PDSS2: variants seen among roughly 807,000 people sequenced by gnomAD.
PDSS2 encodes the protein decaprenyl diphosphate synthase subunit 2.
A neutral mutation model predicts 44.5 loss-of-function variants in PDSS2; 31 were observed. That is an observed-to-expected ratio of 0.70 (90% CI 0.52 to 0.94). The LOEUF is 0.94. Among genes scored for constraint, PDSS2 ranks in the 40% least tolerant of loss-of-function variants. The pLI, the probability that PDSS2 is intolerant of heterozygous loss-of-function variation, is 0.00. For missense variants in PDSS2, 452 were observed against 482.2 expected, an observed-to-expected ratio of 0.94 and a Z score of 0.59; for synonymous variants, 157 against 180.3, an observed-to-expected ratio of 0.87 and a Z score of 1.03.
At chr6:107,181,226 T>A (rs1056112718) in intron 7 of PDSS2, among the ~76,000 whole-genome samples, 1 of 152,218 alleles carries the variant, frequency 6.6e-6, no homozygotes. Flanking sequence ...TAACTGCCTA[T>A]ATTAAATTAG....
intron 3 of PDSS2, among the ~76,000 whole-genome samples, chr6:107,254,831 G>A (rs1774951816): frequency 6.6e-6 from 1 of 151,964 alleles, no homozygotes; most frequent in African/African-American, 2.4e-5. Flanking sequence ...AATACACATT[G>A]TGACACAGTA....
intron 1 of PDSS2, among the ~76,000 whole-genome samples, chr6:107,348,176 A>G (rs1778314780): frequency 6.6e-6 from 1 of 152,222 alleles, no homozygotes; most frequent in South Asian, 2.1e-4. Context: ...GTGGCAGAGT[A>G]GAGAGTATGC....
At chr6:107,240,486 C>A (rs940597082) in intron 4 of PDSS2, among the ~76,000 whole-genome samples, 1 of 151,388 alleles carries the variant, frequency 6.6e-6, no homozygotes, top group African/African-American at 2.4e-5. Flanking sequence ...GCAAACTCCA[C>A]CTCCCAGGTT....
intron 1 of PDSS2, among the ~76,000 whole-genome samples, chr6:107,362,181 T>C (rs753465282): frequency 1.3e-5 from 2 of 152,074 alleles, no homozygotes; most frequent in African/African-American, 4.8e-5. Flanking sequence ...GCTGTGTGCA[T>C]TGCCACAGAG....
intron 1 of PDSS2, among the ~76,000 whole-genome samples, chr6:107,424,799 C>G (rs1373600658): frequency 6.6e-6 from 1 of 152,178 alleles, no homozygotes; most frequent in Non-Finnish European, 1.5e-5. Flanking sequence ...GGGAATAATA[C>G]TCATGGATTA....
intron 4 of PDSS2, among the ~76,000 whole-genome samples, chr6:107,227,929 G>A (rs763324964): frequency 1.3e-5 from 2 of 152,108 alleles, no homozygotes; most frequent in Non-Finnish European, 1.5e-5. Flanking sequence ...GACCCAGGAT[G>A]GAGATAAAAA....
chr6:107,174,664 T>C (rs867256623), intron 7 of PDSS2, among the ~76,000 whole-genome samples: 1 of 152,142 alleles, frequency 6.6e-6, no homozygotes, highest in South Asian at 2.1e-4. Flanking sequence ...CATTCCTTTT[T>C]ACTCAGAGTT....
intron 7 of PDSS2, among the ~76,000 whole-genome samples, chr6:107,168,329 G>A (rs1245639325): frequency 2.0e-5 from 3 of 152,022 alleles, no homozygotes; most frequent in African/African-American, 7.2e-5. Flanking sequence ...CATTTGCTTG[G>A]TAGATCTTCC....
intron 1 of PDSS2, among the ~76,000 whole-genome samples, chr6:107,348,588 C>T (rs1302361633): frequency 6.6e-6 from 1 of 151,986 alleles, no homozygotes; most frequent in East Asian, 1.9e-4. Context: ...AGTTTTAAAC[C>T]CAAATAAAAA....
chr6:107,204,902 T>C (rs965158329), intron 6 of PDSS2, among the ~76,000 whole-genome samples: 11 of 152,248 alleles, frequency 7.2e-5, no homozygotes, highest in Non-Finnish European at 1.0e-4. Flanking sequence ...AGAAATATTT[T>C]AATTTAGGAG....
At chr6:107,157,196 A>AT (rs1464241457) in intron 7 of PDSS2, among the ~76,000 whole-genome samples, 1 of 151,316 alleles carries the variant, frequency 6.6e-6, no homozygotes, top group African/African-American at 2.4e-5. Flanking sequence ...TTATTTATGT[A>AT]TTTTTTGAGA....
At position 107,307,387 on chromosome 6, in the gene PDSS2, T is replaced by C. The variant is rs74646268; in HGVS notation, c.431+26811A>G. Among the ~76,000 whole-genome samples, 300 of 152,300 alleles carry C rather than the reference T, an allele frequency of 2.0e-3. 8 individuals are homozygous for C. The East Asian group carries it at 0.054, about 27-fold the overall frequency. On this transcript the variant is annotated intron_variant, in intron 2 of 7. Coordinates refer to ENST00000369037, the MANE Select transcript of PDSS2 (RefSeq NM_020381.4). Reference sequence around the variant, plus strand: ...TTTCACAAAGGGATAGAACTACGCATTCAAATCAGCGTACTTGATTCAAAC... The same window carrying C: ...TTTCACAAAGGGATAGAACTACGCACTCAAATCAGCGTACTTGATTCAAAC...
intron 3 of PDSS2, among the ~76,000 whole-genome samples, chr6:107,258,465 TAAA>T (rs199659283): frequency 1.7e-5 from 2 of 120,568 alleles, no homozygotes; most frequent in Admixed American, 1.7e-4. Context: ...TTTAGAAAAC[TAAA>T]AAAAAAAAAA....
chr6:107,369,287 G>A (rs1447954777), intron 1 of PDSS2, among the ~76,000 whole-genome samples: 11 of 152,034 alleles, frequency 7.2e-5, no homozygotes, highest in Admixed American at 5.9e-4. Flanking sequence ...GCATGGTGGC[G>A]TGCGCCTGTA....
intron 2 of PDSS2, among the ~76,000 whole-genome samples, chr6:107,299,234 T>A (rs1776618099): frequency 6.7e-6 from 1 of 150,252 alleles, no homozygotes; most frequent in South Asian, 2.1e-4. Context: ...TTTTTTGAGA[T>A]CCCAAATTCA....
At chr6:107,284,799 T>G (rs1229846027) in intron 2 of PDSS2, among the ~76,000 whole-genome samples, 1 of 152,222 alleles carries the variant, frequency 6.6e-6, no homozygotes, top group Non-Finnish European at 1.5e-5. Context: ...TTTTAAAAAG[T>G]GCCTAATAGT....
At chr6:107,201,528 T>C (rs1217164618) in intron 6 of PDSS2, among the ~76,000 whole-genome samples, 1 of 151,858 alleles carries the variant, frequency 6.6e-6, no homozygotes, top group African/African-American at 2.4e-5. Context: ...GGATGTACAA[T>C]GTGGTCTTTT....
chr6:107,374,253 CAA>C (rs3033569), intron 1 of PDSS2, among the ~76,000 whole-genome samples: 1 of 70,540 alleles, frequency 1.4e-5, no homozygotes, highest in Non-Finnish European at 2.4e-5. Context: ...GACTCCATCA[CAA>C]AAAAAAAAAA....
At chr6:107,427,386 G>A (rs148806619) in intron 1 of PDSS2, among the ~76,000 whole-genome samples, 178 of 152,108 alleles carry the variant, frequency 1.2e-3, no homozygotes, top group African/African-American at 4.0e-3. Flanking sequence ...TCCCAGTCTC[G>A]GGTATGTCTT....
Sources: gnomAD v4.1 joint callset for allele counts (sites outside exome capture counted in the v4.1 genomes callset) on GRCh38, gnomAD v4.1.1 for gene constraint, MANE v1.5 for transcripts, NCBI Gene and HGNC (gene_info 2026-07-23, HGNC 2026-07-21) for gene names.